The following FAM174B variants were observed in gnomAD, a reference collection of about 807,000 sequenced individuals.
The protein encoded by FAM174B is membrane protein FAM174B.
Under a neutral mutation model 10.9 loss-of-function variants are expected in FAM174B, and 12 were observed. The ratio of observed to expected loss-of-function variants is 1.10; its 90% CI spans 0.71 to 1.79. The LOEUF (loss-of-function observed/expected upper bound fraction) is 1.79. FAM174B is among the 40% of genes most tolerant of loss of function. FAM174B has a pLI of 0.00. For synonymous variants in FAM174B, 132 were observed against 115.8 expected (o/e 1.14, Z -0.90); for missense variants, 266 against 233.3 (o/e 1.14, Z -0.91).
chr15:92,634,248 G>A (rs1335992482), intron 1 of FAM174B: 1 of 152,230 alleles, frequency 6.6e-6, no homozygotes, highest in Non-Finnish European at 1.5e-5. Flanking sequence ...AGTCATGTTT[G>A]TGACTCTTTT....
chr15:92,644,083 G>C (rs1007623605), intron 1 of FAM174B, among the ~76,000 whole-genome samples: 1 of 151,980 alleles, frequency 6.6e-6, no homozygotes, highest in African/African-American at 2.4e-5. Flanking sequence ...AAGTAACAGA[G>C]CTTCCCCCAG....
intron 1 of FAM174B, among the ~76,000 whole-genome samples, chr15:92,643,569 T>A (rs116259234): frequency 0.015 from 2,354 of 152,288 alleles, 63 homozygotes; most frequent in African/African-American, 0.054. Flanking sequence ...AAACCAAGTA[T>A]ATAAATACAA....
chr15:92,629,880 T>C (rs1227344252), intron 2 of FAM174B, among the ~76,000 whole-genome samples: 1 of 150,864 alleles, frequency 6.6e-6, no homozygotes, highest in African/African-American at 2.4e-5. Flanking sequence ...TAAGGGGGAG[T>C]TCCCCTTCAT....
intron 1 of FAM174B, among the ~76,000 whole-genome samples, chr15:92,652,856 A>G (rs1471731150): frequency 6.6e-6 from 1 of 152,140 alleles, no homozygotes; most frequent in African/African-American, 2.4e-5. Context: ...GCATTTGGTT[A>G]GCTGACTAAC....
intron 1 of FAM174B, among the ~76,000 whole-genome samples, chr15:92,630,859 C>T (rs1404198681): frequency 1.8e-5 from 1 of 57,106 alleles, no homozygotes; most frequent in Non-Finnish European, 4.9e-5. Context: ...TTACATGTTA[C>T]ATATTACATA....
intron 2 of FAM174B, among the ~76,000 whole-genome samples, chr15:92,629,464 C>A (rs565173205): frequency 6.6e-6 from 1 of 152,178 alleles, no homozygotes; most frequent in African/African-American, 2.4e-5. Context: ...CCCAGCCACC[C>A]ACGTCCTCAG....
intron 1 of FAM174B, among the ~76,000 whole-genome samples, chr15:92,649,170 C>A (rs2050948267): frequency 6.6e-6 from 1 of 152,220 alleles, no homozygotes; most frequent in African/African-American, 2.4e-5. Context: ...CCTACATGGG[C>A]ATGAAAGTCT....
Position 92,617,991 on chromosome 15 carries a change from G to A in FAM174B, c.*1465C>T, listed in dbSNP as rs2050690805. ...GCCTTCCTGGCAGGCGGAGGCTGCCGAGCTCCCATGCCCCTTCCCACATAT... is the reference window on the plus strand; with the variant it reads ...GCCTTCCTGGCAGGCGGAGGCTGCCAAGCTCCCATGCCCCTTCCCACATAT... On this transcript the variant is annotated 3_prime_UTR_variant, in exon 3 of 3. Coordinates refer to ENST00000327355, the MANE Select transcript of FAM174B (RefSeq NM_207446.3). 2 of 329,836 alleles carry A rather than the reference G, an allele frequency of 6.1e-6. No homozygotes were observed. The highest frequency in any genetic ancestry group is 4.9e-5 in the Admixed American group (1 of 20,378). 20.4% of individuals were successfully genotyped at this position (329,836 alleles called of 1,614,324 possible). A position where few individuals can be genotyped will look rare whatever the true frequency, so the allele number is the denominator to read the frequency against.
At chr15:92,648,236 C>T (rs1403059577) in intron 1 of FAM174B, among the ~76,000 whole-genome samples, 4 of 152,166 alleles carry the variant, frequency 2.6e-5, no homozygotes, top group Non-Finnish European at 5.9e-5. Context: ...ATATTGTTCC[C>T]CAGGTCAATA....
chr15:92,631,415 T>C lies in FAM174B; in HGVS notation c.345-1070A>G, dbSNP rs1191722871. 1.4e-3 allele frequency among the ~76,000 whole-genome samples: 59 copies of C among 40,776 alleles called. 9 individuals are homozygous for C. Among genetic ancestry groups the C allele is most frequent in the African/African-American group, 7.9e-3 (57 of 7,174 alleles). The allele number at this position is 40,776 out of a possible 152,430, so 26.8% of individuals were successfully genotyped here. A position where few individuals can be genotyped will look rare whatever the true frequency, so the allele number is the denominator to read the frequency against. On this transcript the variant is annotated intron_variant, in intron 1 of 2. Transcript: ENST00000327355. Reference sequence around the variant, plus strand: ...ATATATTATATTATATTATATATAATATATAATATATAATATAATATATTA... The same window carrying C: ...ATATATTATATTATATTATATATAACATATAATATATAATATAATATATTA...
chr15:92,643,304 G>C (rs2141961466), intron 1 of FAM174B, among the ~76,000 whole-genome samples: 1 of 149,350 alleles, frequency 6.7e-6, no homozygotes, highest in East Asian at 2.0e-4. Context: ...TAGTATATAA[G>C]TTATATCTCA....
rs200603218 is a variant in FAM174B, at chr15:92,630,287, G to T, written c.403C>A (p.Arg135=). Residue 135 remains arginine (R), a synonymous_variant, in exon 2 of 3, where the codon CGA becomes AGA. Transcript: ENST00000327355. Reference sequence around the variant, plus strand: ...TCATTTAGTGGCGCCATTTCCACTCGCTCTGCTGGAGTGGTGATGATATCA... The same window carrying T: ...TCATTTAGTGGCGCCATTTCCACTCTCTCTGCTGGAGTGGTGATGATATCA... The part of the protein sequence containing the change: ...KYDIITTPAE[R]VEMAPLNEED... 24 of 1,612,650 alleles carry T rather than the reference G, an allele frequency of 1.5e-5. No homozygotes were observed. Among genetic ancestry groups the T allele is most frequent in the Non-Finnish European group, 1.5e-5 (18 of 1,178,972 alleles).
chr15:92,624,113 T>C (rs550776631), intron 2 of FAM174B, among the ~76,000 whole-genome samples: 1 of 152,320 alleles, frequency 6.6e-6, no homozygotes, highest in East Asian at 1.9e-4. Context: ...AATATTGCTT[T>C]CCAAAGAAAC....
chr15:92,630,809 AT>A, intron 1 of FAM174B, among the ~76,000 whole-genome samples: 1 of 30,216 alleles, frequency 3.3e-5, no homozygotes, highest in East Asian at 7.0e-4. Context: ...TATTATATAT[AT>A]TTTATATATT....
intron 1 of FAM174B, among the ~76,000 whole-genome samples, chr15:92,650,875 G>C (rs1464727290): frequency 6.6e-6 from 1 of 152,110 alleles, no homozygotes; most frequent in African/African-American, 2.4e-5. Flanking sequence ...GTACCTGTAG[G>C]ACCACTCTCA....
chr15:92,646,455 T>C (rs986826653), intron 1 of FAM174B, among the ~76,000 whole-genome samples: 2 of 152,138 alleles, frequency 1.3e-5, no homozygotes, highest in Non-Finnish European at 2.9e-5. Flanking sequence ...TAAACCAAAA[T>C]TGAAATTCTA....
chr15:92,637,794 A>G (rs1325050600), intron 1 of FAM174B, among the ~76,000 whole-genome samples: 1 of 152,194 alleles, frequency 6.6e-6, no homozygotes, highest in Admixed American at 6.5e-5. Flanking sequence ...GCTGTGATGA[A>G]GCTGAAATCC....
chr15:92,640,763 G>C (rs2050886365), intron 1 of FAM174B, among the ~76,000 whole-genome samples: 1 of 151,734 alleles, frequency 6.6e-6, no homozygotes, highest in Admixed American at 6.6e-5. Context: ...TCCTGCCTCA[G>C]CCTCCCAAGT....
Position 92,617,707 on chromosome 15 carries a change from C to A in FAM174B, c.*1749G>T, listed in dbSNP as rs143346719. ...AACAGCTGCGAGGTGGCCAGGCTCC[C>A]GTGAGTCACCACTCAGGCCTGAGTA... On this transcript the variant is annotated 3_prime_UTR_variant, in exon 3 of 3. Transcript: ENST00000327355. 1.0e-5 allele frequency: 7 copies of A among 680,122 alleles called. No individual in the cohort carries two copies. Among genetic ancestry groups the A allele is most frequent in the Non-Finnish European group, 1.6e-5 (6 of 376,780 alleles). The allele number at this position is 680,122 out of a possible 1,614,324, so 42.1% of individuals were successfully genotyped here. A position where few individuals can be genotyped will look rare whatever the true frequency, so the allele number is the denominator to read the frequency against.
Sources: allele counts gnomAD v4.1 joint callset (sites outside exome capture counted in the v4.1 genomes callset), GRCh38; gene constraint gnomAD v4.1.1; transcripts MANE v1.5; gene names NCBI Gene and HGNC (gene_info 2026-07-23, HGNC 2026-07-21).